RIGI: variants seen among roughly 807,000 people sequenced by gnomAD.
RIGI encodes RNA sensor RIG-I, also known as antiviral innate immune response receptor RIG-I.
the RIGI span, among the ~76,000 whole-genome samples, chr9:32,503,155 C>T: frequency 6.6e-6 from 1 of 152,056 alleles, no homozygotes; most frequent in South Asian, 2.1e-4. Flanking sequence ...GTTCCCAGGC[C>T]TCCCTGCTGC....
At chr9:32,476,544 G>A in the RIGI span, among the ~76,000 whole-genome samples, 7 of 151,756 alleles carry the variant, frequency 4.6e-5, no homozygotes, top group Non-Finnish European at 8.8e-5. Context: ...AGGCATTAGA[G>A]TATTAGTATA....
the RIGI span, among the ~76,000 whole-genome samples, chr9:32,500,622 C>A: frequency 6.6e-6 from 1 of 152,132 alleles, no homozygotes; most frequent in Non-Finnish European, 1.5e-5. Flanking sequence ...TCTGCAGATT[C>A]TTTTGTTGGA....
chr9:32,469,149 C>A, the RIGI span, among the ~76,000 whole-genome samples: 6 of 151,696 alleles, frequency 4.0e-5, no homozygotes, highest in East Asian at 1.2e-3. Context: ...GAGGATGGAG[C>A]AGAGCCCCCA....
chr9:32,508,579 C>T, the RIGI span, among the ~76,000 whole-genome samples: 3 of 152,198 alleles, frequency 2.0e-5, no homozygotes, highest in Non-Finnish European at 4.4e-5. Flanking sequence ...AGATACTATG[C>T]TTTTCCCCCC....
At chr9:32,472,049 T>G in the RIGI span, among the ~76,000 whole-genome samples, 1 of 152,144 alleles carries the variant, frequency 6.6e-6, no homozygotes, top group Non-Finnish European at 1.5e-5. Flanking sequence ...GTGGTCAGGA[T>G]GAGGGCGGGC....
At chr9:32,457,037 G>A in the RIGI span, 22 of 1,025,538 alleles carry the variant, frequency 2.1e-5, no homozygotes, top group African/African-American at 3.2e-5. Flanking sequence ...AGGGGTACAA[G>A]CGATCCATGA....
At chr9:32,464,646 G>C in the RIGI span, among the ~76,000 whole-genome samples, 96 of 152,230 alleles carry the variant, frequency 6.3e-4, 1 homozygote, top group Non-Finnish European at 9.3e-4. Context: ...CAAAGTGCTG[G>C]GATTACAGGC....
At chr9:32,466,242 C>T in the RIGI span, 2 of 1,593,120 alleles carry the variant, frequency 1.3e-6, no homozygotes, top group Non-Finnish European at 1.7e-6. Context: ...CCTCACATTC[C>T]CTGATAGTTA....
At chr9:32,466,573 G>A in the RIGI span, 8 of 805,772 alleles carry the variant, frequency 9.9e-6, no homozygotes, top group African/African-American at 1.7e-5. Flanking sequence ...CAGGAAAGTT[G>A]AGCTGTTAAA....
the RIGI span, among the ~76,000 whole-genome samples, chr9:32,517,864 TAAATA>T: frequency 6.6e-6 from 1 of 152,156 alleles, no homozygotes; most frequent in African/African-American, 2.4e-5. Context: ...CTGCTAAAAA[TAAATA>T]AAATGTAAAT....
At chr9:32,466,347 C>T in the RIGI span, 3 of 1,613,910 alleles carry the variant, frequency 1.9e-6, no homozygotes, top group African/African-American at 4.0e-5. Flanking sequence ...AGTCATTCAT[C>T]ATTTTTTCTT....
the RIGI span, among the ~76,000 whole-genome samples, chr9:32,487,251 A>C: frequency 6.6e-6 from 1 of 152,194 alleles, no homozygotes; most frequent in Non-Finnish European, 1.5e-5. Context: ...AAAGAGGAAG[A>C]ATGTTTGCTC....
chr9:32,487,423 A>G, the RIGI span: 1 of 1,572,598 alleles, frequency 6.4e-7, no homozygotes, highest in Non-Finnish European at 8.7e-7. Flanking sequence ...AACTAGAGGT[A>G]GTAGAGAGTA....
chr9:32,462,189 T>A, the RIGI span, among the ~76,000 whole-genome samples: 1 of 152,190 alleles, frequency 6.6e-6, no homozygotes, highest in African/African-American at 2.4e-5. Context: ...CTGTATGGAT[T>A]GCTGTAAAGC....
the RIGI span, among the ~76,000 whole-genome samples, chr9:32,480,888 T>C: frequency 6.6e-6 from 1 of 152,238 alleles, no homozygotes; most frequent in East Asian, 1.9e-4. Flanking sequence ...GCTGTCACTA[T>C]AGTTCCTTAA....
chr9:32,481,838 G>A, the RIGI span, among the ~76,000 whole-genome samples: 1 of 152,202 alleles, frequency 6.6e-6, no homozygotes, highest in Non-Finnish European at 1.5e-5. Context: ...GCCTGCCTCG[G>A]TCTCCCAAAG....
the RIGI span, chr9:32,489,020 T>C: frequency 1.2e-6 from 1 of 802,322 alleles, no homozygotes; most frequent in Non-Finnish European, 1.8e-6. Flanking sequence ...TGTTAATGAT[T>C]ACAGAATTTA....
At chr9:32,466,382 C>T in the RIGI span, 1 of 1,613,700 alleles carries the variant, frequency 6.2e-7, no homozygotes, top group Non-Finnish European at 8.5e-7. Flanking sequence ...TGTTCTTTTT[C>T]AATTACACCA....
chr9:32,456,433 C>T, the RIGI span: 3 of 152,064 alleles, frequency 2.0e-5, no homozygotes, highest in Non-Finnish European at 4.4e-5. Context: ...CCACACGTTG[C>T]TACACCAGGA....
Sources: allele counts gnomAD v4.1 joint callset (sites outside exome capture counted in the v4.1 genomes callset), GRCh38; gene constraint gnomAD v4.1.1; transcripts MANE v1.5; gene names NCBI Gene and HGNC (gene_info 2026-07-23, HGNC 2026-07-21).